The following TENM1 variants were observed in gnomAD, a reference collection of about 807,000 sequenced individuals.
TENM1 encodes teneurin transmembrane protein 1.
TENM1 carries 35 observed loss-of-function variants against 174.8 expected under a neutral mutation model. The observed-to-expected ratio is 0.20, with a 90% CI of 0.15 to 0.27. The LOEUF is 0.27. Ranked by LOEUF, TENM1 falls within the 10% of genes least tolerant of loss-of-function variation. The pLI is 1.00. For synonymous variants in TENM1, 781 were observed against 798.7 expected (o/e 0.98, Z 0.37); for missense variants, 1,633 against 2,130.1 (o/e 0.77, Z 4.59).
intron 3 of TENM1, among the ~76,000 whole-genome samples, chrX:124,756,921 A>G (rs2054267207): frequency 8.9e-6 from 1 of 112,026 alleles, no homozygotes; most frequent in Admixed American, 9.4e-5. Flanking sequence ...CCTCCCAGTT[A>G]GGCTGCTCGG....
chrX:125,141,491 C>G, the TENM1 span, among the ~76,000 whole-genome samples: 3 of 111,577 alleles, frequency 2.7e-5, no homozygotes, highest in African/African-American at 9.8e-5. Flanking sequence ...TTTTAAGGAT[C>G]TTCTCACTTT....
chrX:125,127,006 A>G, the TENM1 span, among the ~76,000 whole-genome samples: 3 of 111,584 alleles, frequency 2.7e-5, no homozygotes, highest in Non-Finnish European at 5.7e-5. Flanking sequence ...GCCGGAAGAA[A>G]GCCGAATGTA....
Position 124,812,038 on chromosome X carries a change from A to C in TENM1, c.536-74841T>G, listed in dbSNP as rs145000624. Among the ~76,000 whole-genome samples, 834 of 111,538 alleles carry C rather than the reference A, an allele frequency of 7.5e-3. 6 individuals are homozygous for C. Among genetic ancestry groups the C allele is most frequent in the African/African-American group, 0.026 (795 of 30,819 alleles). The stretch of plus-strand genomic sequence containing the variant: ...CTGAGCAGATGTTGGTCAAAGGATA[A>C]AAACTTACAGTTAGATAGGAGGAAT... On this transcript the variant is annotated intron_variant, in intron 3 of 31. Coordinates refer to ENST00000422452, the Ensembl canonical transcript of TENM1.
At chrX:124,422,710 GA>G (rs1209994312) in intron 23 of TENM1, 72 bp from the exon 27 acceptor site, 164 of 1,039,125 alleles carry the variant, frequency 1.6e-4, no homozygotes, top group Non-Finnish European at 2.0e-4. Flanking sequence ...TTGAAAAAAA[GA>G]AAAAAAAATT....
chrX:124,711,489 G>A (rs1017257702), intron 4 of TENM1, among the ~76,000 whole-genome samples: 2 of 111,106 alleles, frequency 1.8e-5, no homozygotes, highest in Non-Finnish European at 3.8e-5. Context: ...ACATTCTTAT[G>A]AGACGCATAT....
chrX:124,701,893 T>A (rs922290545), intron 5 of TENM1, among the ~76,000 whole-genome samples: 2 of 112,051 alleles, frequency 1.8e-5, no homozygotes, highest in African/African-American at 6.5e-5. Flanking sequence ...ACAGAATGAC[T>A]ATTGATGTCC....
chrX:124,744,301 TA>T (rs946741414), intron 3 of TENM1, among the ~76,000 whole-genome samples: 1 of 111,481 alleles, frequency 9.0e-6, no homozygotes, highest in East Asian at 2.8e-4. Flanking sequence ...TTCGTAATGT[TA>T]AAAAAAAGAA....
At chrX:125,134,735 T>A in the TENM1 span, among the ~76,000 whole-genome samples, 1 of 112,204 alleles carries the variant, frequency 8.9e-6, no homozygotes, top group Admixed American at 9.5e-5. Flanking sequence ...TCTCTGTAAT[T>A]CTCTTGGCAC....
the TENM1 span, among the ~76,000 whole-genome samples, chrX:124,996,535 T>TA: frequency 0.086 from 7,374 of 85,484 alleles, 336 homozygotes; most frequent in Middle Eastern, 0.18. Context: ...GACATATGAC[T>TA]AAAAAAAAAA....
chrX:124,822,280 A>G (rs1314095918), intron 3 of TENM1, among the ~76,000 whole-genome samples: 1 of 112,557 alleles, frequency 8.9e-6, no homozygotes, highest in Non-Finnish European at 1.9e-5. Flanking sequence ...GTCCCTGCAT[A>G]GTGACAGACT....
Position 124,790,835 on chromosome X carries a change from C to A in TENM1, c.536-53638G>T, listed in dbSNP as rs534667770. 4.0e-4 allele frequency among the ~76,000 whole-genome samples: 44 copies of A among 110,904 alleles called. No individual in the cohort carries two copies. In the South Asian group the frequency reaches 0.016, roughly 40 times the overall value. ...TTATATAATACTGATTTATAGAATA[C>A]TTATTTATATGTATAATATTGACAG... is the stretch of plus-strand genomic sequence containing the variant. On this transcript the variant is annotated intron_variant, in intron 3 of 31. Transcript: ENST00000422452.
intron 15 of TENM1, among the ~76,000 whole-genome samples, chrX:124,545,734 A>C (rs1430992841): frequency 8.9e-6 from 1 of 111,844 alleles, no homozygotes; most frequent in Non-Finnish European, 1.9e-5. Context: ...AGCTGGAAGA[A>C]ATACTTCAAA....
At chrX:124,655,540 G>A (rs1288550276) in intron 6 of TENM1, among the ~76,000 whole-genome samples, 1 of 111,704 alleles carries the variant, frequency 9.0e-6, no homozygotes, top group Non-Finnish European at 1.9e-5. Context: ...AAACACACAT[G>A]GTCTCTGTTC....
At chrX:124,965,468 A>T (rs1569491022), upstream of TENM1, among the ~76,000 whole-genome samples, 1 of 112,010 alleles carries the variant, frequency 8.9e-6, no homozygotes, top group Admixed American at 9.5e-5. Context: ...CAGTTTCACA[A>T]GTCAAGGTCT....
At chrX:124,541,051 C>G (rs2048308465) in intron 15 of TENM1, among the ~76,000 whole-genome samples, 1 of 111,955 alleles carries the variant, frequency 8.9e-6, no homozygotes, top group South Asian at 3.7e-4. Flanking sequence ...AATTATTTTG[C>G]TATTGTTATA....
chrX:124,392,861 T>C (rs1221096801), intron 27 of TENM1, among the ~76,000 whole-genome samples: 1 of 111,465 alleles, frequency 9.0e-6, no homozygotes, highest in Non-Finnish European at 1.9e-5. Flanking sequence ...ATTTCACACC[T>C]ATTATAGGGG....
At chrX:124,563,530 T>TC (rs1375806976) in intron 13 of TENM1, among the ~76,000 whole-genome samples, 2 of 109,806 alleles carry the variant, frequency 1.8e-5, no homozygotes, top group African/African-American at 6.6e-5. Flanking sequence ...ATCAGTCCAT[T>TC]CTATACTACG....
chrX:124,620,557 A>G (rs2050494719), intron 11 of TENM1, among the ~76,000 whole-genome samples: 1 of 112,254 alleles, frequency 8.9e-6, no homozygotes, highest in African/African-American at 3.2e-5. Context: ...TAATAGTTAT[A>G]TAATATTCCA....
At chrX:124,421,574 G>A (rs1227838394) in intron 24 of TENM1, among the ~76,000 whole-genome samples, 1 of 108,440 alleles carries the variant, frequency 9.2e-6, no homozygotes, top group Non-Finnish European at 1.9e-5. Flanking sequence ...AGGACCGTTT[G>A]CCATCTGAGA....
Sources: allele counts gnomAD v4.1 joint callset (sites outside exome capture counted in the v4.1 genomes callset), GRCh38; gene constraint gnomAD v4.1.1; transcripts MANE v1.5; gene names NCBI Gene and HGNC (gene_info 2026-07-23, HGNC 2026-07-21).